WDR70: variants seen among roughly 807,000 people sequenced by gnomAD.
WDR70 encodes WD repeat-containing protein 70.
WDR70 carries 53 observed loss-of-function variants against 88.6 expected under a neutral mutation model. That is an observed-to-expected ratio of 0.60 (90% CI 0.48 to 0.75). The LOEUF (loss-of-function observed/expected upper bound fraction) is 0.75. WDR70 is among the 30% of genes least tolerant of loss of function. The pLI, the probability that WDR70 is intolerant of heterozygous loss-of-function variation, is 0.00. For synonymous variants in WDR70, 280 were observed against 270.0 expected (o/e 1.04, Z -0.36); for missense variants, 610 against 823.2 (o/e 0.74, Z 3.17).
chr5:37,592,250 A>T (rs1023792387), intron 9 of WDR70, among the ~76,000 whole-genome samples: 1 of 152,196 alleles, frequency 6.6e-6, no homozygotes, highest in Non-Finnish European at 1.5e-5. Flanking sequence ...TATAATATTT[A>T]AAAAAATTTT....
At chr5:37,411,940 A>T (rs1025496093) in intron 5 of WDR70, among the ~76,000 whole-genome samples, 2 of 151,916 alleles carry the variant, frequency 1.3e-5, no homozygotes, top group South Asian at 4.1e-4. Flanking sequence ...TTTCTTTTTG[A>T]TAAACTTTTT....
At chr5:37,666,128 C>T (rs546174104) in intron 10 of WDR70, among the ~76,000 whole-genome samples, 1 of 152,350 alleles carries the variant, frequency 6.6e-6, no homozygotes, top group African/African-American at 2.4e-5. Context: ...GGCTTTCCCT[C>T]CCGTCTAGGC....
intron 9 of WDR70, among the ~76,000 whole-genome samples, chr5:37,565,388 C>T (rs1742707619): frequency 1.3e-5 from 2 of 151,938 alleles, no homozygotes; most frequent in African/African-American, 4.8e-5. Flanking sequence ...CTTTTTTCTT[C>T]TCTTCTTTTT....
chr5:37,707,949 ATATATATATATATATATATATATATATAT>A, intron 13 of WDR70, among the ~76,000 whole-genome samples: 1 of 13,462 alleles, frequency 7.4e-5, no homozygotes, highest in South Asian at 6.3e-3. Context: ...AAAAAAAAAA[ATATATATATATATATATATATATATATAT>A]ATATATATAT....
At chr5:37,521,703 TACACACACACACACAC>T (rs59206188) in intron 9 of WDR70, among the ~76,000 whole-genome samples, 1 of 145,222 alleles carries the variant, frequency 6.9e-6, no homozygotes, top group Non-Finnish European at 1.5e-5. Flanking sequence ...AGTCCAAGTA[TACACACACACACACAC>T]ACACACACAC....
At chr5:37,706,735 A>ACACACG (rs1457898633) in intron 13 of WDR70, among the ~76,000 whole-genome samples, 1 of 123,880 alleles carries the variant, frequency 8.1e-6, no homozygotes, top group Non-Finnish European at 2.0e-5. Context: ...ACACACACAC[A>ACACACG]CACGCACACA....
At chr5:37,408,515 A>G (rs1014722017) in intron 5 of WDR70, among the ~76,000 whole-genome samples, 9 of 152,158 alleles carry the variant, frequency 5.9e-5, no homozygotes, top group Non-Finnish European at 8.8e-5. Context: ...AGGATAAAGA[A>G]GCCTCCTCAT....
intron 9 of WDR70, among the ~76,000 whole-genome samples, chr5:37,525,248 A>G (rs1429082056): frequency 6.6e-6 from 1 of 152,206 alleles, no homozygotes; most frequent in Admixed American, 6.5e-5. Context: ...TCCTCAGCAA[A>G]TGTAAAAGAA....
chr5:37,636,387 A>G (rs1744965298), intron 10 of WDR70, among the ~76,000 whole-genome samples: 1 of 152,244 alleles, frequency 6.6e-6, no homozygotes, highest in South Asian at 2.1e-4. Flanking sequence ...TACCATAGTA[A>G]CACTTATTGT....
intron 7 of WDR70, 89 bp downstream of exon 7, chr5:37,443,461 A>G: frequency 7.0e-7 from 1 of 1,437,104 alleles, no homozygotes; most frequent in South Asian, 1.3e-5. Flanking sequence ...TCCCATCTAC[A>G]ATGATTTGTA....
chr5:37,455,565 G>T (rs1399348545), intron 7 of WDR70, among the ~76,000 whole-genome samples: 1 of 150,102 alleles, frequency 6.7e-6, no homozygotes, highest in Non-Finnish European at 1.5e-5. Flanking sequence ...TGGGAGTATA[G>T]GCTATTTAGC....
At chr5:37,572,714 T>A (rs751913860) in intron 9 of WDR70, among the ~76,000 whole-genome samples, 13 of 152,188 alleles carry the variant, frequency 8.5e-5, no homozygotes, top group Non-Finnish European at 1.6e-4. Flanking sequence ...AGGGAATAAA[T>A]GCATTCAACT....
chr5:37,603,162 A>G (rs1396115955), intron 9 of WDR70, among the ~76,000 whole-genome samples: 1 of 152,054 alleles, frequency 6.6e-6, no homozygotes, highest in Non-Finnish European at 1.5e-5. Flanking sequence ...TAAAATTCAT[A>G]TGAAACCACG....
At chr5:37,735,655 C>CTG (rs1470453573) in intron 17 of WDR70, among the ~76,000 whole-genome samples, 3 of 152,146 alleles carry the variant, frequency 2.0e-5, no homozygotes, top group African/African-American at 7.2e-5. Context: ...GCTATTTCTC[C>CTG]TGTGTTCACC....
intron 9 of WDR70, among the ~76,000 whole-genome samples, chr5:37,604,750 G>GTT (rs1743981480): frequency 6.6e-6 from 1 of 152,186 alleles, no homozygotes; most frequent in Non-Finnish European, 1.5e-5. Context: ...GGCTGATCAG[G>GTT]GGTAAAGTCA....
chr5:37,599,492 A>C (rs1743800206), intron 9 of WDR70, among the ~76,000 whole-genome samples: 2 of 152,250 alleles, frequency 1.3e-5, no homozygotes, highest in Non-Finnish European at 2.9e-5. Context: ...ACACCCTTAC[A>C]TTTATGGCCA....
intron 5 of WDR70, among the ~76,000 whole-genome samples, chr5:37,417,381 T>C (rs1749792062): frequency 6.6e-6 from 1 of 152,012 alleles, no homozygotes; most frequent in African/African-American, 2.4e-5. Context: ...GGCGCCACCA[T>C]GCCCGGCTAA....
At chr5:37,612,947 AAC>A (rs1744227694) in intron 10 of WDR70, among the ~76,000 whole-genome samples, 1 of 152,236 alleles carries the variant, frequency 6.6e-6, no homozygotes, top group Non-Finnish European at 1.5e-5. Context: ...ATTGATTCAA[AAC>A]ACAAAACCAT....
At chr5:37,672,431 G>A (rs1375356492) in intron 10 of WDR70, among the ~76,000 whole-genome samples, 1 of 152,124 alleles carries the variant, frequency 6.6e-6, no homozygotes, top group African/African-American at 2.4e-5. Flanking sequence ...AAACCCGCTC[G>A]TACATTCGTT....
Sources: gnomAD v4.1 joint callset for allele counts (sites outside exome capture counted in the v4.1 genomes callset) on GRCh38, gnomAD v4.1.1 for gene constraint, MANE v1.5 for transcripts, NCBI Gene and HGNC (gene_info 2026-07-23, HGNC 2026-07-21) for gene names.